GPR143: variants seen among roughly 807,000 people sequenced by gnomAD.
GPR143 encodes G-protein coupled receptor 143.
A neutral mutation model predicts 27.6 loss-of-function variants in GPR143; 8 were observed. That is an observed-to-expected ratio of 0.29 (90% CI 0.17 to 0.52). GPR143 has a LOEUF of 0.52. Ranked by LOEUF, GPR143 falls within the 20% of genes least tolerant of loss-of-function variation. The pLI, the probability that GPR143 is intolerant of heterozygous loss-of-function variation, is 0.96. For missense variants in GPR143, 303 were observed against 343.1 expected (o/e 0.88, Z 0.92); for synonymous variants, 156 against 153.2 (o/e 1.02, Z -0.13).
At chrX:9,748,471 T>C in intron 4 of GPR143, 103 bp downstream of exon 4, 2 of 582,314 alleles carry the variant, frequency 3.4e-6, no homozygotes, top group South Asian at 4.7e-5. Context: ...CGGCCTAACC[T>C]CCAAGGCACC....
chrX:9,769,900 TAATAA>T (rs1471645604), upstream of GPR143, among the ~76,000 whole-genome samples: 1 of 111,367 alleles, frequency 9.0e-6, no homozygotes, highest in East Asian at 2.8e-4. Flanking sequence ...AAGATTTAAA[TAATAA>T]AATAATTTAT....
At chrX:9,752,333 G>T (rs2083454747) in intron 3 of GPR143, among the ~76,000 whole-genome samples, 1 of 112,059 alleles carries the variant, frequency 8.9e-6, no homozygotes, top group Non-Finnish European at 1.9e-5. Flanking sequence ...CTCCCAAAGT[G>T]CTAGGATTAC....
chrX:9,766,933 A>G (rs748967352), upstream of GPR143, among the ~76,000 whole-genome samples: 8 of 107,986 alleles, frequency 7.4e-5, no homozygotes, highest in South Asian at 3.3e-3. Flanking sequence ...ACACACACAC[A>G]CACACACACA....
At chrX:9,776,160 C>A (rs112569447) in intron 1 of GPR143, among the ~76,000 whole-genome samples, 15 of 112,072 alleles carry the variant, frequency 1.3e-4, no homozygotes, top group Non-Finnish European at 2.6e-4. Flanking sequence ...CACTGCACTG[C>A]GCCCTGCGGA....
intron 6 of GPR143, among the ~76,000 whole-genome samples, chrX:9,742,331 T>C (rs1190554323): frequency 9.0e-6 from 1 of 111,394 alleles, no homozygotes; most frequent in East Asian, 2.8e-4. Context: ...AGCAGTGGCA[T>C]GATCATAGCT....
rs1208735275 is a variant in GPR143 at position 9,765,828 on chromosome X, C to T, written c.-11G>A. 29 of 1,080,400 alleles carry T rather than the reference C, an allele frequency of 2.7e-5. No homozygotes were observed. Among genetic ancestry groups the T allele is most frequent in the Non-Finnish European group, 3.5e-5 (29 of 833,308 alleles). 89.0% of individuals were successfully genotyped at this position (1,080,400 alleles called of 1,213,427 possible). On this transcript the variant is annotated 5_prime_UTR_variant, in exon 1 of 9. Coordinates refer to ENST00000467482, the MANE Select transcript of GPR143 (RefSeq NM_000273.3). ...GCGCGGGGAGGCCATGGGCTGTGTT[C>T]GCGGACGCGGCTCGGGTGTGCCAGG...
intron 1 of GPR143, among the ~76,000 whole-genome samples, chrX:9,775,383 G>A (rs752150675): frequency 8.9e-6 from 1 of 112,036 alleles, no homozygotes; most frequent in East Asian, 2.8e-4. Context: ...TGAACAACAG[G>A]AGCCACGGAG....
At chrX:9,771,033 G>C (rs1341408157), upstream of GPR143, among the ~76,000 whole-genome samples, 1 of 112,079 alleles carries the variant, frequency 8.9e-6, no homozygotes, top group Non-Finnish European at 1.9e-5. Flanking sequence ...GCTCATGCCT[G>C]TGATCCCAGC....
upstream of GPR143, chrX:9,766,233 A>G (rs2083532709): frequency 8.7e-6 from 1 of 115,196 alleles, no homozygotes; most frequent in Non-Finnish European, 1.8e-5. Flanking sequence ...GATCTTTCCT[A>G]TTTGGGACTC....
intron 2 of GPR143, among the ~76,000 whole-genome samples, chrX:9,760,387 C>T (rs903658705): frequency 2.7e-5 from 3 of 111,998 alleles, no homozygotes; most frequent in Non-Finnish European, 5.6e-5. Context: ...CTGCCGTGCC[C>T]GGCTTGTATG....
chrX:9,736,248 A>G (rs982341281), intron 8 of GPR143, among the ~76,000 whole-genome samples: 2 of 112,033 alleles, frequency 1.8e-5, no homozygotes, highest in East Asian at 5.6e-4. Flanking sequence ...CGATGTGGAA[A>G]TATTAAAAAA....
At chrX:9,764,951 G>A (rs762385749) in intron 1 of GPR143, among the ~76,000 whole-genome samples, 1 of 108,127 alleles carries the variant, frequency 9.2e-6, no homozygotes, top group East Asian at 2.9e-4. Flanking sequence ...TTGAACCCGG[G>A]AGGTGGAGGT....
intron 1 of GPR143, among the ~76,000 whole-genome samples, chrX:9,772,372 C>T (rs1019506739): frequency 1.8e-5 from 2 of 111,851 alleles, no homozygotes; most frequent in South Asian, 3.7e-4. Context: ...AACCTCCTAA[C>T]TCATCACACT....
chrX:9,762,565 C>T (rs1464295743), intron 1 of GPR143, among the ~76,000 whole-genome samples: 1 of 111,540 alleles, frequency 9.0e-6, no homozygotes, highest in African/African-American at 3.3e-5. Flanking sequence ...CGATACACCA[C>T]TAAACAAATG....
chrX:9,734,822 C>T (rs985562005), intron 8 of GPR143, among the ~76,000 whole-genome samples: 1 of 112,048 alleles, frequency 8.9e-6, no homozygotes, highest in African/African-American at 3.3e-5. Context: ...CAGTCCCCAC[C>T]CCTCCTGCCA....
intron 5 of GPR143, among the ~76,000 whole-genome samples, 194 bp downstream of exon 5, chrX:9,745,850 G>A (rs945117142): frequency 8.9e-6 from 1 of 112,223 alleles, no homozygotes; most frequent in Non-Finnish European, 1.9e-5. Context: ...GAACTTGTGC[G>A]GGCAGAGGCC....
At chrX:9,755,235 T>C (rs1459952112) in intron 3 of GPR143, among the ~76,000 whole-genome samples, 1 of 111,122 alleles carries the variant, frequency 9.0e-6, no homozygotes, top group African/African-American at 3.3e-5. Context: ...CTGACCAACA[T>C]GGCGAAACCC....
chrX:9,748,972 T>C (rs2083440112), intron 3 of GPR143, among the ~76,000 whole-genome samples: 1 of 112,524 alleles, frequency 8.9e-6, no homozygotes, highest in Non-Finnish European at 1.9e-5. Context: ...GGAGACCCCA[T>C]ATCCATTAAT....
Position 9,746,039 on chromosome X carries a change from T to C in GPR143, c.658+5A>G. 1 of 1,125,472 alleles carries C rather than the reference T, an allele frequency of 8.9e-7. No individual in the cohort carries two copies. The highest frequency in any genetic ancestry group is 1.2e-6 in the Non-Finnish European group (1 of 816,969). The allele number at this position is 1,125,472 out of a possible 1,213,427, so 92.8% of individuals were successfully genotyped here. A position where few individuals can be genotyped will look rare whatever the true frequency, so the allele number is the denominator to read the frequency against. On this transcript the variant is annotated splice_donor_5th_base_variant and intron_variant, in intron 5 of 8. Transcript: ENST00000467482. ...GTGTACCCAGAGAGCTTCCCTAGTA[T>C]TTACCTGCAGTCACTGTCTTTTGGA...
Sources: gnomAD v4.1 joint callset for allele counts (sites outside exome capture counted in the v4.1 genomes callset) on GRCh38, gnomAD v4.1.1 for gene constraint, MANE v1.5 for transcripts, NCBI Gene and HGNC (gene_info 2026-07-23, HGNC 2026-07-21) for gene names.